Variants in RBM47 observed in about 807,000 individuals in gnomAD.
RBM47 encodes RNA binding motif protein 47.
In RBM47, 21 loss-of-function variants were observed where a neutral mutation model predicts 47.1. That is an observed-to-expected ratio of 0.45 (90% CI 0.32 to 0.64). RBM47 has a LOEUF of 0.64. RBM47 is among the 30% of genes least tolerant of loss of function. The pLI is 0.05. For synonymous variants in RBM47, 375 were observed against 361.7 expected (o/e 1.04, Z -0.42); for missense variants, 708 against 870.9 (o/e 0.81, Z 2.35).
intron 3 of RBM47, among the ~76,000 whole-genome samples, chr4:40,457,281 C>T (rs951370508): frequency 2.0e-5 from 3 of 151,536 alleles, no homozygotes; most frequent in Non-Finnish European, 2.9e-5. Flanking sequence ...ATTAGCCGGG[C>T]GTGGTGGCCT....
chr4:40,586,789 G>T (rs922052044), intron 1 of RBM47, among the ~76,000 whole-genome samples: 1 of 151,686 alleles, frequency 6.6e-6, no homozygotes, highest in Non-Finnish European at 1.5e-5. Context: ...TTCATGACGG[G>T]TGTCTTCTGG....
intron 2 of RBM47, among the ~76,000 whole-genome samples, chr4:40,530,945 A>G (rs1417649137): frequency 2.0e-5 from 3 of 152,102 alleles, no homozygotes; most frequent in African/African-American, 7.2e-5. Flanking sequence ...CAAAAAGCAA[A>G]CAAAATTAGC....
intron 2 of RBM47, among the ~76,000 whole-genome samples, chr4:40,504,586 C>A (rs1296558187): frequency 6.6e-6 from 1 of 152,132 alleles, no homozygotes; most frequent in Non-Finnish European, 1.5e-5. Context: ...GGTCACTGCA[C>A]CCGACCCTCA....
chr4:40,514,679 C>T (rs2154254507), intron 2 of RBM47: 1 of 152,222 alleles, frequency 6.6e-6, no homozygotes, highest in East Asian at 1.9e-4. Flanking sequence ...TGAGGGAACA[C>T]AATATAATGG....
intron 3 of RBM47, among the ~76,000 whole-genome samples, chr4:40,460,782 G>A (rs1161026883): frequency 1.3e-5 from 2 of 151,542 alleles, no homozygotes; most frequent in Non-Finnish European, 2.9e-5. Context: ...CAGCTACTCG[G>A]GACGCTGAGG....
chr4:40,442,064 A>G (rs1713736986), intron 3 of RBM47, among the ~76,000 whole-genome samples: 1 of 152,134 alleles, frequency 6.6e-6, no homozygotes, highest in South Asian at 2.1e-4. Flanking sequence ...TTTGGGTTAT[A>G]GTTTCATTTT....
intron 2 of RBM47, among the ~76,000 whole-genome samples, chr4:40,514,025 G>A (rs1160751106): frequency 6.6e-6 from 1 of 151,888 alleles, no homozygotes; most frequent in African/African-American, 2.4e-5. Flanking sequence ...AGCCTAACCT[G>A]ACCTTTAATT....
At chr4:40,597,425 G>A (rs1031528878) in intron 1 of RBM47, among the ~76,000 whole-genome samples, 7 of 151,082 alleles carry the variant, frequency 4.6e-5, no homozygotes, top group Admixed American at 1.3e-4. Flanking sequence ...GCAAAACCCC[G>A]TCTCTACTAA....
chr4:40,479,456 A>T (rs1011530331), intron 2 of RBM47, among the ~76,000 whole-genome samples: 1 of 152,132 alleles, frequency 6.6e-6, no homozygotes, highest in African/African-American at 2.4e-5. Context: ...TAAAAAAATT[A>T]GCAGGGCATG....
intron 2 of RBM47, among the ~76,000 whole-genome samples, chr4:40,526,709 C>A (rs780280569): frequency 3.3e-5 from 5 of 150,712 alleles, no homozygotes; most frequent in Non-Finnish European, 7.4e-5. Flanking sequence ...GAGTAGACTG[C>A]AGGTGTGCTT....
At chr4:40,486,069 C>CAAAAAAAAAAA (rs201408070) in intron 2 of RBM47, among the ~76,000 whole-genome samples, 13 of 62,830 alleles carry the variant, frequency 2.1e-4, no homozygotes, top group Admixed American at 4.3e-4. Flanking sequence ...AACCCTGTTT[C>CAAAAAAAAAAA]AAAAAAAAAA....
chr4:40,485,155 CACACACACAG>C (rs1720909964), intron 2 of RBM47, among the ~76,000 whole-genome samples: 1 of 152,180 alleles, frequency 6.6e-6, no homozygotes, highest in Non-Finnish European at 1.5e-5. Context: ...CCACCCAGTG[CACACACACAG>C]AAATTCACTA....
intron 1 of RBM47, among the ~76,000 whole-genome samples, chr4:40,552,644 T>C (rs1390149429): frequency 1.3e-5 from 2 of 152,204 alleles, no homozygotes; most frequent in African/African-American, 4.8e-5. Context: ...TCCAATGGCA[T>C]GTCCTCACAC....
At chr4:40,624,748 T>A (rs781556610) in intron 1 of RBM47, among the ~76,000 whole-genome samples, 2 of 152,192 alleles carry the variant, frequency 1.3e-5, no homozygotes, top group Non-Finnish European at 2.9e-5. Flanking sequence ...ACTGGGAAGA[T>A]GGGCCTAATC....
chr4:40,563,766 A>G (rs1454926979), intron 1 of RBM47, among the ~76,000 whole-genome samples: 1 of 152,230 alleles, frequency 6.6e-6, no homozygotes, highest in Admixed American at 6.5e-5. Context: ...TGAAATTAAG[A>G]CAAAAGAGCA....
chr4:40,578,210 C>G (rs1732520015), intron 1 of RBM47, among the ~76,000 whole-genome samples: 1 of 152,162 alleles, frequency 6.6e-6, no homozygotes, highest in African/African-American at 2.4e-5. Context: ...TAATGAAACT[C>G]CCTGCTTTAA....
At chr4:40,599,644 G>T (rs1158293635) in intron 1 of RBM47, among the ~76,000 whole-genome samples, 1 of 151,776 alleles carries the variant, frequency 6.6e-6, no homozygotes, top group African/African-American at 2.4e-5. Context: ...AGGCCTTATG[G>T]AGAGGCCCTG....
In RBM47 at chr4:40,510,605, G is replaced by A. The variant is rs1724795960; in HGVS notation, c.-155+33817C>T. Among the ~76,000 whole-genome samples the A allele has an allele frequency of 3.9e-5, 6 of 152,176 alleles. No homozygotes were observed. In the South Asian group the frequency reaches 1.2e-3, roughly 32 times the overall value. Reference sequence around the variant, plus strand: ...TGAAGAGGTGACATTCAAGAACTGTGAGATGAGACCCTATCCCAGAGTGAG... The same window carrying A: ...TGAAGAGGTGACATTCAAGAACTGTAAGATGAGACCCTATCCCAGAGTGAG... On this transcript the variant is annotated intron_variant, in intron 2 of 6. Transcript: ENST00000295971.
chr4:40,467,189 G>C (rs1718179352), intron 2 of RBM47, among the ~76,000 whole-genome samples: 1 of 152,134 alleles, frequency 6.6e-6, no homozygotes, highest in Non-Finnish European at 1.5e-5. Flanking sequence ...AGGGTCCAGA[G>C]AGGGTTCCCA....
Sources: gnomAD v4.1 joint callset for allele counts (sites outside exome capture counted in the v4.1 genomes callset) on GRCh38, gnomAD v4.1.1 for gene constraint, MANE v1.5 for transcripts, NCBI Gene and HGNC (gene_info 2026-07-23, HGNC 2026-07-21) for gene names.